AUTS2: variants seen among roughly 807,000 people sequenced by gnomAD.
The protein encoded by AUTS2 is autism susceptibility gene 2 protein.
In AUTS2, 17 loss-of-function variants were observed where a neutral mutation model predicts 112.4. The observed-to-expected ratio is 0.15, with a 90% CI of 0.10 to 0.23. The LOEUF (loss-of-function observed/expected upper bound fraction) is 0.23, where lower values mean the gene tolerates loss of function less well. AUTS2 is among the 10% of genes least tolerant of loss of function. The pLI is 1.00. For synonymous variants in AUTS2, 751 were observed against 702.7 expected (o/e 1.07, Z -1.09); for missense variants, 1,510 against 1,701.6 (o/e 0.89, Z 1.98).
At chr7:69,756,879 A>G (rs1445982731) in intron 1 of AUTS2, among the ~76,000 whole-genome samples, 1 of 152,210 alleles carries the variant, frequency 6.6e-6, no homozygotes, top group East Asian at 1.9e-4. Context: ...GAATGAAGAT[A>G]TACTGAATTT....
chr7:70,273,661 A>G (rs1787797353), intron 4 of AUTS2, among the ~76,000 whole-genome samples: 1 of 152,070 alleles, frequency 6.6e-6, no homozygotes, highest in Non-Finnish European at 1.5e-5. Context: ...ATACTGAGGG[A>G]ATTGGTTCCA....
intron 5 of AUTS2, among the ~76,000 whole-genome samples, chr7:70,695,671 T>G (rs1215599057): frequency 2.0e-5 from 3 of 152,240 alleles, no homozygotes; most frequent in African/African-American, 7.2e-5. Context: ...GCACGGCTTT[T>G]TATAAGTTTT....
At chr7:70,136,016 T>C (rs1398612736) in intron 4 of AUTS2, among the ~76,000 whole-genome samples, 1 of 152,164 alleles carries the variant, frequency 6.6e-6, no homozygotes, top group Non-Finnish European at 1.5e-5. Context: ...TTCTAGTATT[T>C]TTTTTTTATT....
intron 4 of AUTS2, among the ~76,000 whole-genome samples, chr7:70,308,305 A>C (rs1355435031): frequency 1.3e-5 from 2 of 152,166 alleles, no homozygotes; most frequent in Non-Finnish European, 2.9e-5. Flanking sequence ...CACTCTTCTT[A>C]ATTTTCTGCC....
intron 4 of AUTS2, among the ~76,000 whole-genome samples, chr7:70,258,776 G>A (rs916708997): frequency 6.6e-6 from 1 of 152,166 alleles, no homozygotes; most frequent in Non-Finnish European, 1.5e-5. Flanking sequence ...CTTCAAAAGT[G>A]ACTAGAAACC....
chr7:69,944,350 G>A (rs547465270), intron 2 of AUTS2, among the ~76,000 whole-genome samples: 57 of 152,276 alleles, frequency 3.7e-4, no homozygotes, highest in Middle Eastern at 3.4e-3. Flanking sequence ...GCTCGAAAAG[G>A]GGGCAGCGTT....
intron 2 of AUTS2, among the ~76,000 whole-genome samples, chr7:69,945,618 G>GT (rs1397026137): frequency 3.3e-5 from 5 of 151,262 alleles, no homozygotes; most frequent in Non-Finnish European, 5.9e-5. Context: ...GTTGTTGTTT[G>GT]TTTTTTTGGG....
At chr7:70,001,861 C>T (rs1327602021) in intron 2 of AUTS2, among the ~76,000 whole-genome samples, 1 of 152,022 alleles carries the variant, frequency 6.6e-6, no homozygotes, top group African/African-American at 2.4e-5. Context: ...CAAGCACGCA[C>T]CACCACGCCT....
rs562073345 is a variant in AUTS2 at position 70,629,505 on chromosome 7, T to G, written c.691-69064T>G. The stretch of plus-strand genomic sequence containing the variant: ...GGAAGAAAAAAAAAAAGCCCACAGC[T>G]AAAAGCCAGCCCTTCTGTGGTCATA... On this transcript the variant is annotated intron_variant, in intron 5 of 18. Transcript: ENST00000342771. Among the ~76,000 whole-genome samples, 68 of 150,764 alleles carry G rather than the reference T, an allele frequency of 4.5e-4. 2 individuals carry two copies. In the South Asian group the frequency reaches 6.7e-3, roughly 15 times the overall value.
intron 5 of AUTS2, among the ~76,000 whole-genome samples, chr7:70,654,718 G>C (rs1320626175): frequency 6.6e-6 from 1 of 152,132 alleles, no homozygotes; most frequent in Non-Finnish European, 1.5e-5. Context: ...GTGAAAGAAA[G>C]GTGACTACGG....
At chr7:70,582,995 G>C (rs1379123839) in intron 5 of AUTS2, among the ~76,000 whole-genome samples, 2 of 152,178 alleles carry the variant, frequency 1.3e-5, no homozygotes, top group African/African-American at 4.8e-5. Flanking sequence ...TTTTAATACA[G>C]TGTAGTACTG....
chr7:69,605,573 AG>A (rs1437670790), intron 1 of AUTS2, among the ~76,000 whole-genome samples: 1 of 152,160 alleles, frequency 6.6e-6, no homozygotes, highest in African/African-American at 2.4e-5. Flanking sequence ...CTGTAAAAAA[AG>A]GTTGGTTGGG....
chr7:70,599,933 G>A (rs1272436275), intron 5 of AUTS2, among the ~76,000 whole-genome samples: 1 of 152,186 alleles, frequency 6.6e-6, no homozygotes, highest in Non-Finnish European at 1.5e-5. Flanking sequence ...CTGAAGTTGG[G>A]AGAAGCTCTA....
chr7:69,645,600 C>T (rs1292369684), intron 1 of AUTS2, among the ~76,000 whole-genome samples: 1 of 152,150 alleles, frequency 6.6e-6, no homozygotes, highest in African/African-American at 2.4e-5. Flanking sequence ...TGGTGGAGGT[C>T]AGCCTGACCT....
Position 70,000,275 on chromosome 7 carries a change from C to T in AUTS2, c.522+100777C>T, listed in dbSNP as rs1799127728. Among the ~76,000 whole-genome samples the T allele has an allele frequency of 2.6e-5, 4 of 152,134 alleles. No individual in the cohort carries two copies. In the South Asian group the frequency reaches 8.3e-4, roughly 32 times the overall value. On this transcript the variant is annotated intron_variant, in intron 2 of 18. Coordinates refer to ENST00000342771, the MANE Select transcript of AUTS2 (RefSeq NM_015570.4). ...CAAAGGATGGAATGGCAGAAGTAGTCAGAAGAGGTATGCAATGGTTGGATC... is the reference window on the plus strand; with the variant it reads ...CAAAGGATGGAATGGCAGAAGTAGTTAGAAGAGGTATGCAATGGTTGGATC...
intron 4 of AUTS2, among the ~76,000 whole-genome samples, chr7:70,244,988 C>CGG (rs1554346180): frequency 6.6e-6 from 1 of 151,094 alleles, no homozygotes; most frequent in Non-Finnish European, 1.5e-5. Context: ...GGTGTGGTGG[C>CGG]GCATGCCTGT....
chr7:70,179,215 T>G (rs1279577846), intron 4 of AUTS2, among the ~76,000 whole-genome samples: 1 of 152,168 alleles, frequency 6.6e-6, no homozygotes. Flanking sequence ...ATGCCTGGGT[T>G]TGTTAGTCTA....
intron 5 of AUTS2, among the ~76,000 whole-genome samples, chr7:70,662,653 G>T (rs530994908): frequency 3.3e-5 from 5 of 152,292 alleles, no homozygotes; most frequent in African/African-American, 1.2e-4. Context: ...TCCCTGGGAG[G>T]AAGTTCTCTA....
chr7:69,809,789 T>A (rs886703505), intron 1 of AUTS2, among the ~76,000 whole-genome samples: 1 of 152,124 alleles, frequency 6.6e-6, no homozygotes, highest in Non-Finnish European at 1.5e-5. Flanking sequence ...TTGTAACCAA[T>A]CAATACCACA....
Sources: gnomAD v4.1 joint callset for allele counts (sites outside exome capture counted in the v4.1 genomes callset) on GRCh38, gnomAD v4.1.1 for gene constraint, MANE v1.5 for transcripts, NCBI Gene and HGNC (gene_info 2026-07-23, HGNC 2026-07-21) for gene names.